The following CIITA variants were observed in gnomAD, a reference collection of about 807,000 sequenced individuals.
CIITA encodes MHC class II transactivator.
In CIITA, 72 loss-of-function variants were observed where a neutral mutation model predicts 115.1. The ratio of observed to expected loss-of-function variants is 0.63; its 90% CI spans 0.52 to 0.76. The LOEUF is 0.76. Among genes scored for constraint, CIITA ranks in the 30% least tolerant of loss-of-function variants. CIITA has a pLI of 0.00. For missense variants in CIITA, 1,617 were observed against 1,463.8 expected (o/e 1.10, Z -1.71); for synonymous variants, 763 against 635.6 (o/e 1.20, Z -3.02).
chr16:10,912,358 C>T (rs1291721861), intron 13 of CIITA, among the ~76,000 whole-genome samples: 2 of 152,224 alleles, frequency 1.3e-5, no homozygotes, highest in Non-Finnish European at 1.5e-5. Context: ...AGATGTTCCT[C>T]CCACCTCAGC....
intron 13 of CIITA, among the ~76,000 whole-genome samples, chr16:10,913,250 G>GTT (rs1567434148): frequency 6.9e-6 from 1 of 145,758 alleles, no homozygotes; most frequent in African/African-American, 2.5e-5. Context: ...TTCTTTCCCT[G>GTT]TTTCTTTCTT....
At chr16:10,919,111 G>C (rs2040128501) in intron 16 of CIITA, among the ~76,000 whole-genome samples, 1 of 152,222 alleles carries the variant, frequency 6.6e-6, no homozygotes, top group Non-Finnish European at 1.5e-5. Context: ...CTTCGCCAGA[G>C]CTCTTCACTT....
intron 1 of CIITA, among the ~76,000 whole-genome samples, chr16:10,872,103 T>C (rs896654238): frequency 6.6e-6 from 1 of 152,152 alleles, no homozygotes; most frequent in African/African-American, 2.4e-5. Flanking sequence ...TTATCATTAT[T>C]CTCACCCTGT....
chr16:10,886,895 C>T (rs1048524726), intron 1 of CIITA, among the ~76,000 whole-genome samples: 3 of 152,216 alleles, frequency 2.0e-5, no homozygotes, highest in Non-Finnish European at 4.4e-5. Flanking sequence ...TGTTTTGTCT[C>T]TCTCCTAAAA....
chr16:10,904,909 C>G (rs78701268), intron 10 of CIITA, 97 bp downstream of exon 10: 4 of 1,238,178 alleles, frequency 3.2e-6, no homozygotes, highest in Admixed American at 1.7e-5. Flanking sequence ...TCAACCCCTT[C>G]TTTGTTGGCT....
At chr16:10,873,699 T>A (rs1282259750), upstream of CIITA, among the ~76,000 whole-genome samples, 1 of 152,168 alleles carries the variant, frequency 6.6e-6, no homozygotes, top group African/African-American at 2.4e-5. Context: ...GAAGACCTAG[T>A]TACTCCCCAT....
rs181620546 is a variant in CIITA at position 10,919,477 on chromosome 16, A to C, written c.3149+951A>C. The stretch of plus-strand genomic sequence containing the variant: ...CTCCCAAAGTGAGTACTAGGATTAC[A>C]GGCGTGAGCCACCATGCCCGGCCAA... On this transcript the variant is annotated intron_variant, in intron 16 of 19. Transcript: ENST00000324288. Among the ~76,000 whole-genome samples the C allele has an allele frequency of 9.9e-5, 15 of 152,124 alleles. No individual in the cohort carries two copies. The East Asian group carries it at 2.9e-3, about 30-fold the overall frequency.
chr16:10,869,510 AT>A (rs973607698), intron 1 of CIITA, among the ~76,000 whole-genome samples: 1 of 124,896 alleles, frequency 8.0e-6, no homozygotes, highest in Non-Finnish European at 1.6e-5. Context: ...CCCCAGATTG[AT>A]TTTTTCCCCA....
Position 10,911,130 on chromosome 16 carries a change from C to T in CIITA, c.2888+871C>T, listed in dbSNP as rs556437100. Among the ~76,000 whole-genome samples the T allele has an allele frequency of 2.0e-5, 3 of 152,268 alleles. No homozygotes were observed. In the East Asian group the frequency reaches 5.8e-4, roughly 29 times the overall value. On this transcript the variant is annotated intron_variant, in intron 13 of 19. Coordinates refer to ENST00000324288, the MANE Select transcript of CIITA (RefSeq NM_000246.4). ...TGGGTCACTGAGGAGGGGCAGCCCA[C>T]CATACATGGGCCCCAAGAAAGCACA... is the stretch of plus-strand genomic sequence containing the variant.
At chr16:10,898,073 T>C (rs897302909) in intron 3 of CIITA, among the ~76,000 whole-genome samples, 5 of 152,216 alleles carry the variant, frequency 3.3e-5, no homozygotes, top group Non-Finnish European at 1.5e-5. Flanking sequence ...CCAGGATCCC[T>C]TCCTCCAGGA....
At chr16:10,922,336 T>C in intron 17 of CIITA, 71 bp from the exon 18 acceptor site, 2 of 1,606,556 alleles carry the variant, frequency 1.2e-6, no homozygotes, top group South Asian at 2.2e-5. Context: ...AAGAGCTGGA[T>C]GTGGGGGTGG....
chr16:10,869,956 G>A (rs1225019502), intron 1 of CIITA, among the ~76,000 whole-genome samples: 1 of 152,100 alleles, frequency 6.6e-6, no homozygotes, highest in Non-Finnish European at 1.5e-5. Context: ...TGAGCACAGG[G>A]TAGGTATGCA....
intron 1 of CIITA, among the ~76,000 whole-genome samples, chr16:10,888,048 C>T (rs1262287250): frequency 6.6e-6 from 1 of 152,146 alleles, no homozygotes; most frequent in Non-Finnish European, 1.5e-5. Context: ...TCTAGCACAG[C>T]CCCAGACACA....
At chr16:10,900,469 G>A (rs534845782) in intron 5 of CIITA, among the ~76,000 whole-genome samples, 6 of 152,078 alleles carry the variant, frequency 3.9e-5, no homozygotes, top group Non-Finnish European at 5.9e-5. Context: ...GCCAGGCGTG[G>A]TGGCTCACAT....
intron 1 of CIITA, among the ~76,000 whole-genome samples, chr16:10,890,813 T>C (rs1469150132): frequency 6.6e-6 from 1 of 152,252 alleles, no homozygotes; most frequent in Non-Finnish European, 1.5e-5. Context: ...CAGCACTTAC[T>C]GATTGCCAGT....
chr16:10,895,749 G>A lies in CIITA; in HGVS notation c.280G>A (p.Ala94Thr), dbSNP rs2038063353. The A allele has an allele frequency of 6.2e-7, 1 of 1,614,090 alleles. No individual in the cohort carries two copies. Among genetic ancestry groups the A allele is most frequent in the Non-Finnish European group, 8.5e-7 (1 of 1,180,012 alleles). ...DMEGDEETREAYANIAELDQY... is the reference protein window; with the variant it reads ...DMEGDEETRETYANIAELDQY... ...GGAAGGTGATGAAGAGACCAGGGAG[G>A]CTTATGCCAATATCGGTGAGGAAGC... is the stretch of plus-strand genomic sequence containing the variant. The change falls in exon 3 of 20, where the codon GCT (alanine) becomes ACT (threonine). Residue 94 changes from alanine (A) to threonine (T), a missense_variant. Transcript: ENST00000324288.
intron 16 of CIITA, among the ~76,000 whole-genome samples, chr16:10,918,992 G>T (rs950140138): frequency 6.6e-6 from 1 of 151,984 alleles, no homozygotes; most frequent in Non-Finnish European, 1.5e-5. Context: ...CCAGGCCCTG[G>T]TGTGGTCCCA....
Position 10,923,004 on chromosome 16 carries a change from C to G in CIITA, c.3318-224C>G. 1 of 589,384 alleles carries G rather than the reference C, an allele frequency of 1.7e-6. No homozygotes were observed. Among genetic ancestry groups the G allele is most frequent in the Non-Finnish European group, 3.0e-6 (1 of 329,064 alleles). 36.5% of individuals were successfully genotyped at this position (589,384 alleles called of 1,614,324 possible). A position where few individuals can be genotyped will look rare whatever the true frequency, so the allele number is the denominator to read the frequency against. On this transcript the variant is annotated intron_variant, in intron 18 of 19. Transcript: ENST00000324288. This position sits in a 1 kb window ranked among gnomAD's most constrained non-coding sequence, Gnocchi z 5.2. ...ATAAAGCACAGAGCAGTTAACTAAC[C>G]TTTCTGGGGTCACACAGCAAGTCAG...
chr16:10,868,974 G>A (rs2143192578), intron 1 of CIITA, among the ~76,000 whole-genome samples: 1 of 152,350 alleles, frequency 6.6e-6, no homozygotes, highest in East Asian at 1.9e-4. Context: ...CAGGTGTGCT[G>A]CTGCTGGGCA....
Sources: gnomAD v4.1 joint callset for allele counts (sites outside exome capture counted in the v4.1 genomes callset) on GRCh38, gnomAD v4.1.1 for gene constraint, Gnocchi (gnomAD v3.1) non-coding constraint, MANE v1.5 for transcripts, NCBI Gene and HGNC (gene_info 2026-07-23, HGNC 2026-07-21) for gene names.